Variants in BRD1 observed in about 807,000 individuals in gnomAD.
BRD1 encodes the protein bromodomain-containing protein 1.
BRD1 carries 24 observed loss-of-function variants against 107.7 expected under a neutral mutation model. That is an observed-to-expected ratio of 0.22 (90% CI 0.16 to 0.31). The LOEUF is 0.31. Ranked by LOEUF, BRD1 falls within the 10% of genes least tolerant of loss-of-function variation. The pLI is 1.00. For missense variants in BRD1, 1,279 were observed against 1,638.6 expected (o/e 0.78, Z 3.79); for synonymous variants, 744 against 686.1 (o/e 1.08, Z -1.32).
At chr22:49,822,887 C>A in intron 2 of BRD1, 64 bp downstream of exon 2, 1 of 1,563,378 alleles carries the variant, frequency 6.4e-7, no homozygotes. Context: ...GCAGGCTGTG[C>A]CCACGTCCTC....
chr22:49,823,210 G>A lies in BRD1; in HGVS notation c.1108C>T (p.Leu370=). ...LYMKMEPVKE[L]TGGGTTFSVR... is the part of the protein sequence containing the mutation. ...GAGAAGGTGGTGCCACCGCCAGTCA[G>A]TTCCTTCACGGGCTCCATTTTCATG... The change falls in exon 2 of 13, where the codon CTG becomes TTG. Residue 370 remains leucine, a synonymous_variant. Transcript: ENST00000404760. The A allele has an allele frequency of 6.2e-7, 1 of 1,614,242 alleles. No individual in the cohort carries two copies. Among genetic ancestry groups the A allele is most frequent in the East Asian group, 2.2e-5 (1 of 44,884 alleles).
At chr22:49,789,427 G>C (rs1039853580) in intron 7 of BRD1, among the ~76,000 whole-genome samples, 2 of 152,174 alleles carry the variant, frequency 1.3e-5, no homozygotes, top group African/African-American at 2.4e-5. Flanking sequence ...GACGCAGCTG[G>C]TGTCTGGGGC....
rs1196294456 is a variant in BRD1 at position 49,823,999 on chromosome 22, C to T, written c.319G>A (p.Ala107Thr). The T allele has an allele frequency of 6.2e-6, 10 of 1,613,802 alleles. No individual in the cohort carries two copies. The African/African-American group carries it at 1.1e-4, about 17-fold the overall frequency. Residue 107 changes from alanine to threonine, a missense_variant, in exon 2 of 13, where the codon GCC (alanine) becomes ACC (threonine). Physicochemically the swap from Ala to Thr is moderately conservative, Grantham distance 58. This residue lies in a region of BRD1 where 223 missense variants were observed against 263.5 expected (regional missense o/e 0.85). Transcript: ENST00000404760. Reference protein sequence around the residue: ...VKKKNEALPSAHGTPASASAL... With the variant: ...VKKKNEALPSTHGTPASASAL... ...CTGGCCGAGGCCGGCGTGCCGTGGG[C>T]GCTGGGGAGGGCCTCGTTTTTCTTT...
At position 49,822,987 on chromosome 22, in the gene BRD1, A is replaced by C. The variant is rs1259391541; in HGVS notation, c.1331T>G (p.Leu444Arg). Residue 444 changes from leucine (L) to arginine (R), a missense_variant, in exon 2 of 13, where the codon CTG becomes CGG. Transcript: ENST00000404760. The stretch of plus-strand genomic sequence containing the variant: ...AATATAAGGAGCGCACACGGTCGGC[A>C]GGACCGCGCAGGGCTCAGCCAGAGC... Reference protein sequence around the residue: ...KKALAEPCAVLPTVCAPYIPP... With the variant: ...KKALAEPCAVRPTVCAPYIPP... 6.2e-7 allele frequency: 1 copy of C among 1,614,112 alleles called. No individual in the cohort carries two copies. The highest frequency in any genetic ancestry group is 2.2e-5 in the East Asian group (1 of 44,890).
In BRD1 at chr22:49,823,820, C is replaced by G; in HGVS notation, c.498G>C (p.Leu166=). ...CCTTGCGCTTCTCATTGACGATCTC[C>G]AGCCAGGCATAGTCCTCCTCGTCCA... The part of the protein sequence containing the change: ...YDMDEEDYAW[L]EIVNEKRKGD... Residue 166 remains leucine, a synonymous_variant, in exon 2 of 13, where the codon CTG becomes CTC. Coordinates refer to ENST00000404760, the MANE Select transcript of BRD1 (RefSeq NM_001304808.3). The G allele has an allele frequency of 6.2e-7, 1 of 1,614,182 alleles. No individual in the cohort carries two copies. The highest frequency in any genetic ancestry group is 8.5e-7 in the Non-Finnish European group (1 of 1,180,038).
At position 49,803,858 on chromosome 22, in the gene BRD1, G is replaced by A. The variant is rs1190756606; in HGVS notation, c.1524+346C>T. On this transcript the variant is annotated intron_variant, in intron 3 of 12. Transcript: ENST00000404760. The surrounding 1 kb of genome is among the most constrained non-coding windows in gnomAD (Gnocchi z 4.4). ...TCCCACTCCTGCTGTCCCCAGCCCG[G>A]ACGCTCATGCAGCCACAGCATAACA... 6.6e-6 allele frequency among the ~76,000 whole-genome samples: 1 copy of A among 152,190 alleles called. No individual in the cohort carries two copies. Among genetic ancestry groups the A allele is most frequent in the Admixed American group, 6.5e-5 (1 of 15,276 alleles).
In BRD1 at chr22:49,799,041, C is replaced by T. The variant is rs548074999; in HGVS notation, c.1603G>A (p.Ala535Thr). The T allele has an allele frequency of 6.8e-6, 11 of 1,611,242 alleles. No homozygotes were observed. Among genetic ancestry groups the T allele is most frequent in the African/African-American group, 6.7e-5 (5 of 75,074 alleles). The change falls in exon 4 of 13, where the codon GCT becomes ACT. Residue 535 changes from alanine (A) to threonine (T), a missense_variant. Ala to Thr is a moderately conservative substitution (Grantham distance 58, BLOSUM62 0). Coordinates refer to ENST00000404760, the MANE Select transcript of BRD1 (RefSeq NM_001304808.3). ...WQRLRHDLERARLLIELLRKR... is the reference protein window; with the variant it reads ...WQRLRHDLERTRLLIELLRKR... ...CGCAGCAGCTCGATCAGCAGGCGAG[C>T]GCGCTCCAGGTCGTGCCGCAGCCGC...
At chr22:49,785,198 C>T (rs961348177) in intron 8 of BRD1, among the ~76,000 whole-genome samples, 3 of 152,262 alleles carry the variant, frequency 2.0e-5, no homozygotes, top group South Asian at 2.1e-4. Flanking sequence ...TGGCCGCCAG[C>T]CGGCAAAACT....
At chr22:49,798,520 C>T (rs554478154) in intron 5 of BRD1, 38 bp downstream of exon 5, 6 of 1,614,086 alleles carry the variant, frequency 3.7e-6, no homozygotes, top group Middle Eastern at 1.6e-4. Flanking sequence ...TCCACAGTCA[C>T]ACATGCGGCA....
rs1438391834 is a variant in BRD1 at position 49,797,822 on chromosome 22, G to C, written c.2081C>G (p.Pro694Arg). 1 of 1,600,498 alleles carries C rather than the reference G, an allele frequency of 6.2e-7. No individual in the cohort carries two copies. Reference sequence around the variant, plus strand: ...GTTCTTACCGTCTTCCCAGGAGAAAGGCCGCCGCGGTGCCGCAGCAGGCCG... The same window carrying C: ...GTTCTTACCGTCTTCCCAGGAGAAACGCCGCCGCGGTGCCGCAGCAGGCCG... The part of the protein sequence containing the change: ...PERPAAAPRR[P>R]FSWEDVDRLL... Residue 694 changes from proline (P) to arginine (R), a missense_variant, in exon 6 of 13, where the codon CCT becomes CGT. Pro to Arg is a moderately radical substitution (Grantham distance 103). Coordinates refer to ENST00000404760, the MANE Select transcript of BRD1 (RefSeq NM_001304808.3).
At chr22:49,820,169 T>C (rs2060038104) in intron 2 of BRD1, among the ~76,000 whole-genome samples, 1 of 152,132 alleles carries the variant, frequency 6.6e-6, no homozygotes, top group Non-Finnish European at 1.5e-5. Context: ...CTTTTTTACT[T>C]GAAATTTTAA....
In BRD1 at chr22:49,786,922, C is replaced by T. The variant is rs554641006; in HGVS notation, c.2857+468G>A. ...AGCCGGGACAACACAGCGAGACCCC[C>T]ATCTCTACCAAAAATTTTCAAATTA... On this transcript the variant is annotated intron_variant, in intron 8 of 12. Transcript: ENST00000404760. 8.1e-3 allele frequency among the ~76,000 whole-genome samples: 1,212 copies of T among 150,230 alleles called. 21 individuals carry two copies. Among genetic ancestry groups the T allele is most frequent in the African/African-American group, 0.028 (1,136 of 40,332 alleles).
chr22:49,826,132 G>A, intron 1 of BRD1: 5 of 976,502 alleles, frequency 5.1e-6, no homozygotes, highest in Non-Finnish European at 4.9e-6. Context: ...TGGGGCAGAA[G>A]CAACAGTTGG....
intron 2 of BRD1, among the ~76,000 whole-genome samples, chr22:49,813,057 C>T (rs901331761): frequency 4.6e-5 from 7 of 152,170 alleles, no homozygotes; most frequent in Non-Finnish European, 1.0e-4. Flanking sequence ...CCAGGCCTGA[C>T]CCAACCTCAC....
chr22:49,783,453 C>A lies in BRD1; in HGVS notation c.2857+3937G>T, dbSNP rs990118528. 6.6e-6 allele frequency among the ~76,000 whole-genome samples: 1 copy of A among 152,226 alleles called. No individual in the cohort carries two copies. The highest frequency in any genetic ancestry group is 2.4e-5 in the African/African-American group (1 of 41,446). On this transcript the variant is annotated intron_variant, in intron 8 of 12. Transcript: ENST00000404760. This position sits in a 1 kb window ranked among gnomAD's most constrained non-coding sequence, Gnocchi z 4.2. The stretch of plus-strand genomic sequence containing the variant: ...TGCCACATCCTCAGACAGTGCCGAG[C>A]CAAGTTCCTCCATACCCCATGGCAC...
intron 8 of BRD1, among the ~76,000 whole-genome samples, chr22:49,781,731 G>A (rs542223048): frequency 2.0e-5 from 3 of 152,292 alleles, no homozygotes; most frequent in East Asian, 3.8e-4. Flanking sequence ...AGGGCCCCAC[G>A]CAGTGACAAA....
Position 49,777,681 on chromosome 22 carries a change from G to C in BRD1, c.2990C>G (p.Ser997Trp). 1 of 1,605,810 alleles carries C rather than the reference G, an allele frequency of 6.2e-7. No homozygotes were observed. The change falls in exon 9 of 13, where the codon TCG (serine) becomes TGG (tryptophan). Residue 997 changes from serine to tryptophan, a missense_variant. Coordinates refer to ENST00000404760, the MANE Select transcript of BRD1 (RefSeq NM_001304808.3). ...ISSSNSPLCD[S>W]SFNAPKCGRG... The stretch of plus-strand genomic sequence containing the variant: ...AGCGCAGGGCCGCGGTGCCCACCTC[G>C]AGTCGCAGAGCGGGCTGTTGCTGGA...
rs2059675062 is a variant in BRD1, at chr22:49,803,233, GCCA to G, written c.1524+968_1524+970del. Among the ~76,000 whole-genome samples the G allele has an allele frequency of 6.6e-6, 1 of 152,218 alleles. No individual in the cohort carries two copies. The highest frequency in any genetic ancestry group is 2.1e-4 in the South Asian group (1 of 4,830). ...AGTCTGCGAGGCAGAGACAGCACCGGCCACCGCACCACCGCACGGGGACCCAAC... is the reference window on the plus strand; with the variant it reads ...AGTCTGCGAGGCAGAGACAGCACCGGCCGCACCACCGCACGGGGACCCAAC... On this transcript the variant is annotated intron_variant, in intron 3 of 12. Transcript: ENST00000404760. The surrounding 1 kb of genome is among the most constrained non-coding windows in gnomAD (Gnocchi z 4.4).
intron 2 of BRD1, among the ~76,000 whole-genome samples, chr22:49,807,997 G>A (rs5770698): frequency 6.6e-6 from 1 of 151,790 alleles, no homozygotes; most frequent in Non-Finnish European, 1.5e-5. Flanking sequence ...ACACCTATTA[G>A]AATGGCTATC....
Sources: gnomAD v4.1 joint callset for allele counts (sites outside exome capture counted in the v4.1 genomes callset) on GRCh38, gnomAD v4.1.1 for gene constraint, gnomAD v4.1.1 regional missense constraint, Gnocchi (gnomAD v3.1) non-coding constraint, MANE v1.5 for transcripts, NCBI Gene and HGNC (gene_info 2026-07-23, HGNC 2026-07-21) for gene names.